Variants in GRIN3A observed in about 807,000 individuals in gnomAD.
GRIN3A encodes glutamate receptor ionotropic, NMDA 3A.
A neutral mutation model predicts 92.4 loss-of-function variants in GRIN3A; 47 were observed. The observed-to-expected ratio is 0.51, with a 90% CI of 0.40 to 0.65. The LOEUF is 0.65. Ranked by LOEUF, GRIN3A falls within the 30% of genes least tolerant of loss-of-function variation. The pLI is 0.00. For synonymous variants in GRIN3A, 527 were observed against 540.6 expected, an observed-to-expected ratio of 0.97 and a Z score of 0.35; for missense variants, 1,324 against 1,393.1, an observed-to-expected ratio of 0.95 and a Z score of 0.79.
chr9:101,716,480 T>C (rs960032228), intron 1 of GRIN3A, among the ~76,000 whole-genome samples: 1 of 152,256 alleles, frequency 6.6e-6, no homozygotes, highest in Admixed American at 6.5e-5. Flanking sequence ...AGTAAGGTTT[T>C]CTAAACTTCA....
chr9:101,665,837 G>C (rs1415839940), intron 3 of GRIN3A, among the ~76,000 whole-genome samples: 1 of 151,782 alleles, frequency 6.6e-6, no homozygotes, highest in East Asian at 1.9e-4. Flanking sequence ...ACTTTCAAAG[G>C]CAAAAACTGC....
intron 1 of GRIN3A, among the ~76,000 whole-genome samples, chr9:101,705,228 G>T (rs548471969): frequency 6.6e-6 from 1 of 151,948 alleles, no homozygotes; most frequent in Non-Finnish European, 1.5e-5. Context: ...ACACACAAGC[G>T]GCTGAATGTT....
At chr9:101,660,082 C>T (rs1395326584) in intron 3 of GRIN3A, among the ~76,000 whole-genome samples, 1 of 151,640 alleles carries the variant, frequency 6.6e-6, no homozygotes, top group Non-Finnish European at 1.5e-5. Flanking sequence ...GTGTCTGATC[C>T]ATATAAGACC....
At chr9:101,641,947 A>G (rs1456145923) in intron 3 of GRIN3A, among the ~76,000 whole-genome samples, 2 of 152,196 alleles carry the variant, frequency 1.3e-5, no homozygotes, top group Non-Finnish European at 2.9e-5. Context: ...ATCATCTGTT[A>G]CAGCAGTATT....
intron 1 of GRIN3A, among the ~76,000 whole-genome samples, chr9:101,712,975 A>C (rs1430528099): frequency 6.6e-6 from 1 of 152,208 alleles, no homozygotes; most frequent in Non-Finnish European, 1.5e-5. Context: ...AGGCATAGAG[A>C]GCTTAGGTGA....
rs1308989682 is a variant in GRIN3A at position 101,737,302 on chromosome 9, G to A, written c.678C>T (p.His226=). 3 of 1,613,940 alleles carry A rather than the reference G, an allele frequency of 1.9e-6. No individual in the cohort carries two copies. Among genetic ancestry groups the A allele is most frequent in the Admixed American group, 1.7e-5 (1 of 59,988 alleles). Residue 226 remains histidine (H), a synonymous_variant, in exon 1 of 9, where the codon CAC becomes CAT. Coordinates refer to ENST00000361820, the MANE Select transcript of GRIN3A (RefSeq NM_133445.3). ...LHIPVISIVR[H]EFPRESQNPL... ...TCACCTGACTCTCCCGTGGAAACTCGTGGCGCACGATGCTGATCACTGGAA... is the reference window on the plus strand; with the variant it reads ...TCACCTGACTCTCCCGTGGAAACTCATGGCGCACGATGCTGATCACTGGAA...
rs536597010 is a variant in GRIN3A, at chr9:101,613,502, G to T, written c.2640C>A (p.Asn880Lys). 21 of 1,614,186 alleles carry T rather than the reference G, an allele frequency of 1.3e-5. 1 individual carries two copies. The South Asian group carries it at 2.1e-4, about 16-fold the overall frequency. ...CGGATATGTTGGCGGTCAATGGAGA[G>T]TTGGGTGGGAGGCCAATGCCGTATC... ...IEGYGIGLPP[N>K]SPLTANISEL... The change falls in exon 6 of 9, where the codon AAC (asparagine) becomes AAA (lysine). Residue 880 changes from asparagine to lysine, a missense_variant. By Grantham distance (94) the Asn-to-Lys change is moderately conservative. Transcript: ENST00000361820.
chr9:101,635,373 C>T (rs1225928500), intron 3 of GRIN3A, among the ~76,000 whole-genome samples: 2 of 152,138 alleles, frequency 1.3e-5, no homozygotes, highest in Non-Finnish European at 2.9e-5. Context: ...TTTTGCACTA[C>T]AACAGTAGAG....
chr9:101,615,111 G>A (rs1309706125), intron 5 of GRIN3A, among the ~76,000 whole-genome samples: 3 of 150,864 alleles, frequency 2.0e-5, no homozygotes, highest in Admixed American at 6.6e-5. Context: ...TTTCCAAAAT[G>A]TTACTATACT....
intron 6 of GRIN3A, chr9:101,594,883 G>A (rs780508709): frequency 5.6e-6 from 9 of 1,601,314 alleles, no homozygotes; most frequent in Non-Finnish European, 7.6e-6. Context: ...TGTCAAAGTG[G>A]GAGCACATCT....
chr9:101,732,416 T>C (rs1411006585), intron 1 of GRIN3A, among the ~76,000 whole-genome samples: 1 of 152,200 alleles, frequency 6.6e-6, no homozygotes, highest in East Asian at 1.9e-4. Flanking sequence ...CTTAATGATA[T>C]TTCTATGGCA....
At chr9:101,623,144 G>C (rs1475354712) in intron 5 of GRIN3A, among the ~76,000 whole-genome samples, 174 bp downstream of exon 5, 2 of 152,106 alleles carry the variant, frequency 1.3e-5, no homozygotes, top group African/African-American at 4.8e-5. Context: ...TGTTGAATAG[G>C]TGAAAAATAA....
At chr9:101,580,477 C>A (rs1050734184) in intron 6 of GRIN3A, among the ~76,000 whole-genome samples, 1 of 152,000 alleles carries the variant, frequency 6.6e-6, no homozygotes, top group African/African-American at 2.4e-5. Context: ...TGGTAGCTGT[C>A]AAGGAAAGAA....
At chr9:101,690,529 G>A (rs550158248) in intron 1 of GRIN3A, among the ~76,000 whole-genome samples, 42 of 152,282 alleles carry the variant, frequency 2.8e-4, no homozygotes, top group African/African-American at 9.4e-4. Flanking sequence ...CAGGGAGAGA[G>A]GAGTCACCAA....
At chr9:101,683,475 TAA>T (rs1157239476) in intron 2 of GRIN3A, among the ~76,000 whole-genome samples, 2 of 152,290 alleles carry the variant, frequency 1.3e-5, no homozygotes, top group East Asian at 3.9e-4. Context: ...ACAAAATAAA[TAA>T]GGATGATGGA....
At chr9:101,582,023 G>A (rs1827893419) in intron 6 of GRIN3A, among the ~76,000 whole-genome samples, 2 of 152,172 alleles carry the variant, frequency 1.3e-5, no homozygotes, top group South Asian at 2.1e-4. Flanking sequence ...CACATAGCTC[G>A]TGAAGGTTAG....
rs1830234402 is a variant in GRIN3A, at chr9:101,737,740, C to T, written c.240G>A (p.Glu80=). Residue 80 remains glutamate (E), a synonymous_variant, in exon 1 of 9, where the codon GAG becomes GAA. Coordinates refer to ENST00000361820, the MANE Select transcript of GRIN3A (RefSeq NM_133445.3). ...DDSRAGAQRD[E]PEPGTRRSPA... is the part of the protein sequence containing the mutation. The stretch of plus-strand genomic sequence containing the variant: ...GGGACCGCCTAGTCCCTGGCTCCGG[C>T]TCATCCCTCTGGGCTCCTGCTCGGC... 1 of 1,528,130 alleles carries T rather than the reference C, an allele frequency of 6.5e-7. No homozygotes were observed. The allele number at this position is 1,528,130 out of a possible 1,614,324, so 94.7% of individuals were successfully genotyped here.
chr9:101,573,435 A>G lies in GRIN3A; in HGVS notation c.3087T>C (p.Phe1029=). ...GCTGGTTTTGTCCTTCCTCATCACT[A>G]AAGATGTATTTCCGTCGGTTGTCAT... ...LSHDNRRKYI[F]SDEEGQNQLG... Residue 1029 remains phenylalanine (F), a synonymous_variant, in exon 9 of 9, where the codon TTT becomes TTC. Transcript: ENST00000361820. The G allele has an allele frequency of 6.2e-7, 1 of 1,613,980 alleles. No individual in the cohort carries two copies. Among genetic ancestry groups the G allele is most frequent in the Non-Finnish European group, 8.5e-7 (1 of 1,179,946 alleles).
intron 6 of GRIN3A, among the ~76,000 whole-genome samples, chr9:101,605,238 C>G (rs1479747060): frequency 6.6e-5 from 10 of 152,214 alleles, no homozygotes; most frequent in Non-Finnish European, 1.5e-5. Context: ...GGTCATGGAA[C>G]TGGTTCGCAG....
Sources: gnomAD v4.1 joint callset for allele counts (sites outside exome capture counted in the v4.1 genomes callset) on GRCh38, gnomAD v4.1.1 for gene constraint, MANE v1.5 for transcripts, NCBI Gene and HGNC (gene_info 2026-07-23, HGNC 2026-07-21) for gene names.